The following NBEA variants were observed in gnomAD, a reference collection of about 807,000 sequenced individuals.
The protein encoded by NBEA is neurobeachin.
Under a neutral mutation model 343.4 loss-of-function variants are expected in NBEA, and 44 were observed. The ratio of observed to expected loss-of-function variants is 0.13; its 90% CI spans 0.10 to 0.16. NBEA has a LOEUF of 0.16. Among genes scored for constraint, NBEA ranks in the 10% least tolerant of loss-of-function variants. The pLI is 1.00. For synonymous variants in NBEA, 1,175 were observed against 1,238.7 expected, an observed-to-expected ratio of 0.95 and a Z score of 1.08; for missense variants, 2,555 against 3,631.3, an observed-to-expected ratio of 0.70 and a Z score of 7.62.
chr13:35,476,133 A>G (rs774235611), intron 41 of NBEA: 2 of 1,613,904 alleles, frequency 1.2e-6, no homozygotes, highest in Non-Finnish European at 1.7e-6. Context: ...CCTGGGCCGC[A>G]ATCATGTTGG....
chr13:35,290,527 A>T, intron 35 of NBEA, 77 bp downstream of exon 35: 1 of 940,128 alleles, frequency 1.1e-6, no homozygotes. Context: ...ATGTGCATAT[A>T]TATGTGTATG....
intron 38 of NBEA, among the ~76,000 whole-genome samples, chr13:35,407,157 G>T (rs914054941): frequency 6.6e-6 from 1 of 151,252 alleles, no homozygotes; most frequent in South Asian, 2.1e-4. Context: ...TAGAGACAGG[G>T]TTTCACCATG....
At chr13:34,998,666 A>G (rs1293594748) in intron 1 of NBEA, among the ~76,000 whole-genome samples, 1 of 152,198 alleles carries the variant, frequency 6.6e-6, no homozygotes, top group Non-Finnish European at 1.5e-5. Context: ...GCTCACCGGC[A>G]GTCAGAGTTT....
intron 41 of NBEA, among the ~76,000 whole-genome samples, chr13:35,522,587 G>A (rs1188237815): frequency 6.6e-6 from 1 of 151,484 alleles, no homozygotes; most frequent in Non-Finnish European, 1.5e-5. Context: ...CACTAAGATG[G>A]GGTCCCCACC....
chr13:35,345,092 T>TAAAATG (rs1227648870), intron 36 of NBEA, among the ~76,000 whole-genome samples: 1 of 152,100 alleles, frequency 6.6e-6, no homozygotes, highest in Non-Finnish European at 1.5e-5. Context: ...CAGGAGTTGT[T>TAAAATG]CATCATTTTA....
rs2041950508 is a variant in NBEA at position 35,380,320 on chromosome 13, C to A, written c.6179+27997C>A. On this transcript the variant is annotated intron_variant, in intron 38 of 58. Coordinates refer to ENST00000379939, the MANE Select transcript of NBEA (RefSeq NM_001385012.1). ...ATTAGCCTGGTGTGATGGTGGGCAT[C>A]TGTGATCCCAGCTACTCTGGAGGCT... is the stretch of plus-strand genomic sequence containing the variant. Among the ~76,000 whole-genome samples, 3 of 152,122 alleles carry A rather than the reference C, an allele frequency of 2.0e-5. No individual in the cohort carries two copies. In the South Asian group the frequency reaches 6.2e-4, roughly 32 times the overall value.
chr13:35,208,894 T>G, intron 32 of NBEA, 40 bp downstream of exon 32: 1 of 1,369,228 alleles, frequency 7.3e-7, no homozygotes, highest in Non-Finnish European at 9.8e-7. Flanking sequence ...CATCTTTTTA[T>G]GTTTTCTGTA....
chr13:35,641,833 T>TATAC (rs1287911654), intron 49 of NBEA, among the ~76,000 whole-genome samples: 2 of 152,088 alleles, frequency 1.3e-5, no homozygotes, highest in Non-Finnish European at 2.9e-5. Flanking sequence ...AAAAAATGTA[T>TATAC]ATACATACAT....
chr13:35,541,725 G>GGTGTGTGTGTGTGT (rs3075505), intron 41 of NBEA, among the ~76,000 whole-genome samples: 2,139 of 145,180 alleles, frequency 0.015, 22 homozygotes, highest in South Asian at 0.034. Context: ...GGTCTGCATG[G>GGTGTGTGTGTGTGT]GTGTGTGTGT....
chr13:35,585,686 A>G (rs2081262972), intron 46 of NBEA, among the ~76,000 whole-genome samples: 1 of 152,010 alleles, frequency 6.6e-6, no homozygotes. Flanking sequence ...AACATCTCAC[A>G]GTACCATAAG....
chr13:35,476,497 C>G, intron 41 of NBEA: 2 of 701,196 alleles, frequency 2.9e-6, no homozygotes, highest in Non-Finnish European at 4.9e-6. Context: ...GAATAAAAAA[C>G]AAAAGTTGCG....
chr13:35,540,704 G>A (rs181968748), intron 41 of NBEA, among the ~76,000 whole-genome samples: 2 of 152,100 alleles, frequency 1.3e-5, no homozygotes, highest in Admixed American at 1.3e-4. Context: ...TTCCTTCTCT[G>A]TGCAAGTTCT....
chr13:34,973,528 G>C (rs1478860842), intron 1 of NBEA, among the ~76,000 whole-genome samples: 2 of 151,872 alleles, frequency 1.3e-5, no homozygotes, highest in Non-Finnish European at 2.9e-5. Context: ...GCGAGGTCAT[G>C]CCCAGTGATG....
At chr13:35,416,352 T>C (rs1228612598) in intron 38 of NBEA, among the ~76,000 whole-genome samples, 1 of 152,190 alleles carries the variant, frequency 6.6e-6, no homozygotes, top group Non-Finnish European at 1.5e-5. Context: ...GCCCATTCAG[T>C]ATGATAGTGA....
At chr13:35,539,712 C>T (rs868000857) in intron 41 of NBEA, among the ~76,000 whole-genome samples, 39 of 150,714 alleles carry the variant, frequency 2.6e-4, no homozygotes, top group Non-Finnish European at 4.9e-4. Flanking sequence ...GTCAGGAGAT[C>T]GAGACCATCC....
chr13:35,141,620 G>A (rs966742804), intron 17 of NBEA, among the ~76,000 whole-genome samples: 1 of 152,178 alleles, frequency 6.6e-6, no homozygotes, highest in Admixed American at 6.5e-5. Flanking sequence ...TAATTCTTGA[G>A]CTAGAGCTAA....
At chr13:34,982,895 G>T (rs960837246) in intron 1 of NBEA, among the ~76,000 whole-genome samples, 2 of 151,994 alleles carry the variant, frequency 1.3e-5, no homozygotes, top group South Asian at 2.1e-4. Flanking sequence ...AACTATGATT[G>T]TGGAATTTTC....
intron 17 of NBEA, among the ~76,000 whole-genome samples, chr13:35,135,310 G>T (rs17051872): frequency 0.028 from 4,286 of 152,098 alleles, 90 homozygotes; most frequent in South Asian, 0.074. Context: ...CAACTGTCCT[G>T]ATAGATTGAA....
chr13:35,172,260 G>T (rs111522868), intron 26 of NBEA, among the ~76,000 whole-genome samples: 9,312 of 139,676 alleles, frequency 0.067, 333 homozygotes, highest in South Asian at 0.094. Flanking sequence ...ACCTTTTTTT[G>T]TTTGTTTGTT....
Sources: allele counts gnomAD v4.1 joint callset (sites outside exome capture counted in the v4.1 genomes callset), GRCh38; gene constraint gnomAD v4.1.1; transcripts MANE v1.5; gene names NCBI Gene and HGNC (gene_info 2026-07-23, HGNC 2026-07-21).